Variants in NRXN3 observed in about 807,000 individuals in gnomAD.
The protein encoded by NRXN3 is neurexin III.
A neutral mutation model predicts 137.6 loss-of-function variants in NRXN3; 32 were observed. The ratio of observed to expected loss-of-function variants is 0.23; its 90% CI spans 0.18 to 0.31. The LOEUF (loss-of-function observed/expected upper bound fraction) is 0.31, where lower values mean the gene tolerates loss of function less well. Ranked by LOEUF, NRXN3 falls within the 10% of genes least tolerant of loss-of-function variation. The pLI, the probability that NRXN3 is intolerant of heterozygous loss-of-function variation, is 1.00. For synonymous variants in NRXN3, 798 were observed against 784.5 expected, an observed-to-expected ratio of 1.02 and a Z score of -0.29; for missense variants, 1,574 against 2,062.5, an observed-to-expected ratio of 0.76 and a Z score of 4.59.
intron 4 of NRXN3, among the ~76,000 whole-genome samples, chr14:78,571,587 C>T (rs1459185313): frequency 2.6e-5 from 4 of 152,098 alleles, no homozygotes; most frequent in Non-Finnish European, 5.9e-5. Flanking sequence ...ATATTGAGCC[C>T]TTACTAGGTG....
At chr14:79,068,100 C>T (rs1012646080) in intron 15 of NRXN3, among the ~76,000 whole-genome samples, 2 of 151,948 alleles carry the variant, frequency 1.3e-5, no homozygotes, top group Non-Finnish European at 2.9e-5. Context: ...GGAAAAATAT[C>T]TGTGGATATC....
chr14:79,596,168 T>A lies in NRXN3; in HGVS notation c.3445-67610T>A, dbSNP rs557435775. On this transcript the variant is annotated intron_variant, in intron 16 of 20. Coordinates refer to ENST00000335750, the MANE Select transcript of NRXN3 (RefSeq NM_001330195.2). ...TTTAAAGGTTTTTCCTTCCTCTCCT[T>A]TTTGAGCTGTAAAATATGCATTATG... 9.9e-5 allele frequency among the ~76,000 whole-genome samples: 15 copies of A among 152,176 alleles called. No homozygotes were observed. The East Asian group carries it at 2.9e-3, about 29-fold the overall frequency.
At chr14:78,968,110 A>G in intron 13 of NRXN3, 63 bp from the exon 14 acceptor site, 1 of 878,270 alleles carries the variant, frequency 1.1e-6, no homozygotes, top group Non-Finnish European at 1.5e-6. Context: ...AGTGTATCAA[A>G]CTAGTTGACA....
chr14:79,800,974 T>C (rs1014852594), intron 19 of NRXN3, among the ~76,000 whole-genome samples: 8 of 152,218 alleles, frequency 5.3e-5, no homozygotes, highest in African/African-American at 1.9e-4. Context: ...TTCTAAGCCT[T>C]TTTGCAAATT....
intron 4 of NRXN3, among the ~76,000 whole-genome samples, chr14:78,601,081 G>A (rs1420447311): frequency 6.6e-6 from 1 of 152,110 alleles, no homozygotes; most frequent in African/African-American, 2.4e-5. Flanking sequence ...CTGCCTCCAT[G>A]TGTCCAGGAC....
intron 4 of NRXN3, among the ~76,000 whole-genome samples, chr14:78,425,226 C>T (rs2093615931): frequency 6.6e-6 from 1 of 152,178 alleles, no homozygotes; most frequent in Admixed American, 6.5e-5. Context: ...TGTTTTCTCA[C>T]TTGTAGTTTC....
intron 19 of NRXN3, among the ~76,000 whole-genome samples, chr14:79,707,658 A>ATATT (rs1422624122): frequency 2.6e-5 from 4 of 152,202 alleles, no homozygotes; most frequent in African/African-American, 7.2e-5. Context: ...TATTGCAACT[A>ATATT]TATTTTCTTT....
At chr14:79,638,477 G>A (rs1402043146) in intron 16 of NRXN3, among the ~76,000 whole-genome samples, 1 of 152,136 alleles carries the variant, frequency 6.6e-6, no homozygotes, top group Non-Finnish European at 1.5e-5. Flanking sequence ...ATTCAGGTCT[G>A]TCAAACTGTA....
intron 10 of NRXN3, among the ~76,000 whole-genome samples, chr14:78,839,094 G>A (rs974176420): frequency 6.6e-6 from 1 of 152,088 alleles, no homozygotes; most frequent in Admixed American, 6.6e-5. Context: ...AAATGTACTG[G>A]TGCAAAGTTA....
At chr14:78,948,639 T>G (rs2152937374) in intron 10 of NRXN3, among the ~76,000 whole-genome samples, 1 of 149,772 alleles carries the variant, frequency 6.7e-6, no homozygotes, top group African/African-American at 2.5e-5. Context: ...TTTTTTTTTT[T>G]TTTTTTTTTT....
chr14:78,399,711 A>C (rs1438601056), intron 4 of NRXN3, among the ~76,000 whole-genome samples: 1 of 152,216 alleles, frequency 6.6e-6, no homozygotes, highest in Admixed American at 6.5e-5. Flanking sequence ...TATTTTTGAC[A>C]GTAATTTTTA....
chr14:78,318,585 C>A (rs190387674), intron 4 of NRXN3, among the ~76,000 whole-genome samples: 8 of 152,318 alleles, frequency 5.3e-5, no homozygotes, highest in Non-Finnish European at 1.2e-4. Context: ...TAATTTCCAA[C>A]CACACATTTC....
intron 4 of NRXN3, among the ~76,000 whole-genome samples, chr14:78,299,157 T>A (rs2076635221): frequency 6.6e-6 from 1 of 152,170 alleles, no homozygotes; most frequent in South Asian, 2.1e-4. Flanking sequence ...AGAGACCATA[T>A]GTCAAAAAAT....
intron 20 of NRXN3, among the ~76,000 whole-genome samples, chr14:79,832,227 G>A (rs2099326203): frequency 6.6e-6 from 1 of 152,112 alleles, no homozygotes; most frequent in African/African-American, 2.4e-5. Flanking sequence ...AGGGCAGGTA[G>A]ATATGGAAAG....
At chr14:78,245,063 C>T (rs2067487989) in intron 2 of NRXN3, among the ~76,000 whole-genome samples, 1 of 152,176 alleles carries the variant, frequency 6.6e-6, no homozygotes, top group Non-Finnish European at 1.5e-5. Context: ...AGCTGAGAAC[C>T]AACCATACAG....
intron 16 of NRXN3, among the ~76,000 whole-genome samples, chr14:79,494,007 A>G (rs10444741): frequency 0.26 from 39,096 of 152,068 alleles, 5,428 homozygotes; most frequent in Non-Finnish European, 0.3. Context: ...CCATCCTTGT[A>G]TACATGGTAG....
Position 78,194,969 on chromosome 14 carries a change from G to C in NRXN3, c.-704+24295G>C, listed in dbSNP as rs147445592. ...GACCTGTCTTCTGGAGCACTCAGGG[G>C]ATCCTGGGAGGCTCTCTTGCTCAGA... On this transcript the variant is annotated intron_variant, in intron 1 of 20. Coordinates refer to ENST00000335750, the MANE Select transcript of NRXN3 (RefSeq NM_001330195.2). Among the ~76,000 whole-genome samples, 658 of 152,320 alleles carry C rather than the reference G, an allele frequency of 4.3e-3. 12 individuals are homozygous for C. The East Asian group carries it at 0.051, about 12-fold the overall frequency.
intron 19 of NRXN3, among the ~76,000 whole-genome samples, chr14:79,708,793 C>T (rs977499257): frequency 1.3e-5 from 2 of 152,106 alleles, no homozygotes; most frequent in African/African-American, 4.8e-5. Flanking sequence ...TTGTAAGGTT[C>T]TCCTTGATTT....
intron 4 of NRXN3, among the ~76,000 whole-genome samples, chr14:78,327,714 G>T (rs1437456555): frequency 6.6e-6 from 1 of 152,166 alleles, no homozygotes; most frequent in Non-Finnish European, 1.5e-5. Flanking sequence ...TGCTCTCATG[G>T]AGCTTCCATT....
Sources: gnomAD v4.1 joint callset for allele counts (sites outside exome capture counted in the v4.1 genomes callset) on GRCh38, gnomAD v4.1.1 for gene constraint, MANE v1.5 for transcripts, NCBI Gene and HGNC (gene_info 2026-07-23, HGNC 2026-07-21) for gene names.